CDH12: variants seen among roughly 807,000 people sequenced by gnomAD.
CDH12 encodes cadherin-12.
In CDH12, 41 loss-of-function variants were observed where a neutral mutation model predicts 74.1. That is an observed-to-expected ratio of 0.55 (90% CI 0.43 to 0.72). The LOEUF (loss-of-function observed/expected upper bound fraction) is 0.72. Among genes scored for constraint, CDH12 ranks in the 30% least tolerant of loss-of-function variants. The pLI, the probability that CDH12 is intolerant of heterozygous loss-of-function variation, is 0.00. For missense variants in CDH12, 945 were observed against 977.2 expected (o/e 0.97, Z 0.44); for synonymous variants, 399 against 355.0 (o/e 1.12, Z -1.39).
intron 6 of CDH12, among the ~76,000 whole-genome samples, chr5:21,958,149 A>G (rs1756185670): frequency 6.6e-6 from 1 of 152,116 alleles, no homozygotes; most frequent in South Asian, 2.1e-4. Flanking sequence ...TTTGTGAAAA[A>G]GGTGCATTGC....
At chr5:22,377,759 A>G (rs945382853) in intron 3 of CDH12, among the ~76,000 whole-genome samples, 5 of 152,196 alleles carry the variant, frequency 3.3e-5, no homozygotes, top group Non-Finnish European at 5.9e-5. Context: ...CACATGTATC[A>G]TATCTTTTTA....
intron 8 of CDH12, among the ~76,000 whole-genome samples, chr5:21,827,307 A>C (rs1373849567): frequency 6.6e-6 from 1 of 151,930 alleles, no homozygotes; most frequent in Admixed American, 6.6e-5. Context: ...GCAAATTTCA[A>C]TTTACTAAGT....
chr5:22,094,646 C>T (rs1000765622), intron 4 of CDH12, among the ~76,000 whole-genome samples: 38 of 152,060 alleles, frequency 2.5e-4, no homozygotes, highest in Admixed American at 2.0e-3. Context: ...CAAGAGGCCT[C>T]ACAATGGCCC....
At chr5:22,619,387 T>C (rs1395249264) in intron 1 of CDH12, among the ~76,000 whole-genome samples, 1 of 152,108 alleles carries the variant, frequency 6.6e-6, no homozygotes. Context: ...CCTGCTGATT[T>C]TATAGTAAAC....
At chr5:21,882,750 A>G (rs1752425723) in intron 6 of CDH12, 2 of 1,605,212 alleles carry the variant, frequency 1.2e-6, no homozygotes, top group African/African-American at 1.3e-5. Flanking sequence ...TGTGGCCGTT[A>G]CAATGGAGCC....
In CDH12 at chr5:21,854,838, C is replaced by T. The variant is rs757400623; in HGVS notation, c.527-48G>A. The T allele has an allele frequency of 3.8e-6, 6 of 1,573,216 alleles. No individual in the cohort carries two copies. In the Admixed American group the frequency reaches 1.1e-4, roughly 28 times the overall value. Reference sequence around the variant, plus strand: ...TCTAGCATTTTTGTTTTACTACTTTCAAGGTCATGACTCTTATCTGCTGGA... The same window carrying T: ...TCTAGCATTTTTGTTTTACTACTTTTAAGGTCATGACTCTTATCTGCTGGA... On this transcript the variant is annotated intron_variant, in intron 6 of 14. Coordinates refer to ENST00000382254, the MANE Select transcript of CDH12 (RefSeq NM_004061.5).
chr5:21,867,152 C>T (rs550483060), intron 6 of CDH12, among the ~76,000 whole-genome samples: 21 of 152,042 alleles, frequency 1.4e-4, no homozygotes, highest in African/African-American at 4.3e-4. Context: ...TTCAGGAGTT[C>T]GAGACCAGTC....
chr5:22,683,223 C>T (rs551138682), intron 1 of CDH12, among the ~76,000 whole-genome samples: 2 of 152,164 alleles, frequency 1.3e-5, no homozygotes, highest in Non-Finnish European at 2.9e-5. Flanking sequence ...GTGATGGTAA[C>T]GTTTCTTCCA....
intron 4 of CDH12, among the ~76,000 whole-genome samples, chr5:22,126,462 G>A (rs187770809): frequency 9.2e-4 from 140 of 152,288 alleles, no homozygotes; most frequent in African/African-American, 3.4e-3. Flanking sequence ...TACAAGTCAT[G>A]AAAGGCCCTG....
At chr5:21,932,670 G>A (rs1277451523) in intron 6 of CDH12, among the ~76,000 whole-genome samples, 1 of 151,952 alleles carries the variant, frequency 6.6e-6, no homozygotes, top group African/African-American at 2.4e-5. Context: ...GGAGGCCAAG[G>A]CAGGTGGACC....
chr5:22,609,619 A>G (rs888813746), intron 1 of CDH12, among the ~76,000 whole-genome samples: 1 of 152,222 alleles, frequency 6.6e-6, no homozygotes, highest in African/African-American at 2.4e-5. Flanking sequence ...ACTGAAATCA[A>G]TTCCTTTCAA....
chr5:21,978,897 T>C (rs1203439669), intron 5 of CDH12, among the ~76,000 whole-genome samples: 2 of 152,190 alleles, frequency 1.3e-5, no homozygotes, highest in Non-Finnish European at 2.9e-5. Flanking sequence ...TTGATCTCTA[T>C]CGATGAAACT....
At chr5:22,552,759 A>G (rs2126736035) in intron 1 of CDH12, among the ~76,000 whole-genome samples, 1 of 152,230 alleles carries the variant, frequency 6.6e-6, no homozygotes, top group South Asian at 2.1e-4. Flanking sequence ...CATTTTATAC[A>G]GGTATGATGA....
At chr5:22,759,977 C>T (rs1746122647) in intron 1 of CDH12, among the ~76,000 whole-genome samples, 1 of 152,104 alleles carries the variant, frequency 6.6e-6, no homozygotes, top group Non-Finnish European at 1.5e-5. Flanking sequence ...TGAGGTCCAC[C>T]CACCTTGTGG....
At chr5:22,026,348 A>C (rs1738351567) in intron 5 of CDH12, among the ~76,000 whole-genome samples, 1 of 152,172 alleles carries the variant, frequency 6.6e-6, no homozygotes, top group Non-Finnish European at 1.5e-5. Context: ...AGAATGTAAC[A>C]AAAAAGAAAT....
intron 6 of CDH12, among the ~76,000 whole-genome samples, chr5:21,956,886 A>G (rs1284366793): frequency 4.0e-5 from 6 of 151,860 alleles, no homozygotes; most frequent in African/African-American, 1.5e-4. Context: ...CATGTGGTAC[A>G]GCATGGGTTT....
At chr5:22,345,316 G>A (rs948474708) in intron 3 of CDH12, among the ~76,000 whole-genome samples, 1 of 151,924 alleles carries the variant, frequency 6.6e-6, no homozygotes, top group African/African-American at 2.4e-5. Context: ...TCTTTTCCCT[G>A]TCCTGTAACT....
At chr5:22,608,268 C>A (rs1737220368) in intron 1 of CDH12, among the ~76,000 whole-genome samples, 1 of 152,186 alleles carries the variant, frequency 6.6e-6, no homozygotes, top group African/African-American at 2.4e-5. Context: ...TCAGCAATGA[C>A]CTGGATATAA....
chr5:21,791,191 T>C (rs1431855041), intron 10 of CDH12, among the ~76,000 whole-genome samples: 1 of 152,062 alleles, frequency 6.6e-6, no homozygotes, highest in Non-Finnish European at 1.5e-5. Flanking sequence ...TGTCTATATG[T>C]GACTGACTAA....
Sources: gnomAD v4.1 joint callset for allele counts (sites outside exome capture counted in the v4.1 genomes callset) on GRCh38, gnomAD v4.1.1 for gene constraint, MANE v1.5 for transcripts, NCBI Gene and HGNC (gene_info 2026-07-23, HGNC 2026-07-21) for gene names.